The following EVC2 variants were observed in gnomAD, a reference collection of about 807,000 sequenced individuals.
EVC2 encodes the protein limbin.
In EVC2, 148 loss-of-function variants were observed where a neutral mutation model predicts 149.3. That is an observed-to-expected ratio of 0.99 (90% CI 0.87 to 1.14). The LOEUF (loss-of-function observed/expected upper bound fraction) is 1.14. Ranked by LOEUF, EVC2 falls within the 50% of genes most tolerant of loss-of-function variation. EVC2 has a pLI of 0.00. For synonymous variants in EVC2, 776 were observed against 649.9 expected (o/e 1.19, Z -2.95); for missense variants, 1,854 against 1,627.3 (o/e 1.14, Z -2.40).
In EVC2 at chr4:5,576,330, G is replaced by T. The variant is rs983228989; in HGVS notation, c.3182C>A (p.Pro1061His). 1 of 1,614,060 alleles carries T rather than the reference G, an allele frequency of 6.2e-7. No homozygotes were observed. The highest frequency in any genetic ancestry group is 1.3e-5 in the African/African-American group (1 of 74,908). ...VADGPGILNE[P>H]GEVDSERQVS... ...CTGCCTTTCAGAATCCACCTCCCCAGGTTCGTTCAGAATCCCGGGCCCATC... is the reference window on the plus strand; with the variant it reads ...CTGCCTTTCAGAATCCACCTCCCCATGTTCGTTCAGAATCCCGGGCCCATC... Residue 1061 changes from proline to histidine, a missense_variant, in exon 18 of 22, where the codon CCT becomes CAT. Transcript: ENST00000344408. The surrounding 1 kb of genome is among the most constrained non-coding windows in gnomAD (Gnocchi z 4.5).
intron 12 of EVC2, among the ~76,000 whole-genome samples, chr4:5,627,591 T>C (rs1433120193): frequency 6.6e-6 from 1 of 152,202 alleles, no homozygotes; most frequent in Admixed American, 6.5e-5. Flanking sequence ...CATGTCCCTA[T>C]TCATTTCAGA....
Position 5,562,703 on chromosome 4 carries a change from C to A in EVC2, c.*145G>T. On this transcript the variant is annotated 3_prime_UTR_variant, in exon 22 of 22. Coordinates refer to ENST00000344408, the MANE Select transcript of EVC2 (RefSeq NM_147127.5). This position sits in a 1 kb window ranked among gnomAD's most constrained non-coding sequence, Gnocchi z 4.3. Reference sequence around the variant, plus strand: ...GAGACAAGATTAAACCGAGTCCCTGCAAGTTGGCATGCGCTACGGGGTCTG... The same window carrying A: ...GAGACAAGATTAAACCGAGTCCCTGAAAGTTGGCATGCGCTACGGGGTCTG... 3 of 1,530,808 alleles carry A rather than the reference C, an allele frequency of 2.0e-6. No individual in the cohort carries two copies. The highest frequency in any genetic ancestry group is 2.6e-6 in the Non-Finnish European group (3 of 1,147,798). The allele number at this position is 1,530,808 out of a possible 1,614,324, so 94.8% of individuals were successfully genotyped here.
intron 17 of EVC2, among the ~76,000 whole-genome samples, chr4:5,583,003 C>A (rs1286797652): frequency 1.3e-5 from 2 of 152,138 alleles, no homozygotes; most frequent in African/African-American, 4.8e-5. Context: ...GCCTGTGGAA[C>A]CATGAGCCAA....
chr4:5,598,208 G>GA (rs1160254763), intron 16 of EVC2, among the ~76,000 whole-genome samples: 1 of 151,990 alleles, frequency 6.6e-6, no homozygotes, highest in African/African-American at 2.4e-5. Context: ...CACAGAATTG[G>GA]AAAAAACTAA....
At chr4:5,620,568 A>G (rs73198144) in intron 14 of EVC2, among the ~76,000 whole-genome samples, 3,597 of 152,286 alleles carry the variant, frequency 0.024, 108 homozygotes, top group African/African-American at 0.071. Context: ...ATTGTGCAAA[A>G]CCATTTTTGC....
chr4:5,689,700 T>A (rs940056996), intron 4 of EVC2, among the ~76,000 whole-genome samples: 5 of 152,156 alleles, frequency 3.3e-5, no homozygotes, highest in African/African-American at 1.2e-4. Context: ...CCTTGGTACT[T>A]AGTTATTTTG....
chr4:5,555,029 TGTG>T (rs1721808846), intron 21 of EVC2, among the ~76,000 whole-genome samples: 1 of 150,198 alleles, frequency 6.7e-6, no homozygotes, highest in East Asian at 2.0e-4. Flanking sequence ...TGTGTGTGTG[TGTG>T]TGTGTGTGTG....
intron 9 of EVC2, among the ~76,000 whole-genome samples, chr4:5,653,236 T>C (rs541141492): frequency 6.6e-6 from 1 of 152,352 alleles, no homozygotes; most frequent in African/African-American, 2.4e-5. Context: ...CAAATAAGGT[T>C]ACACTCACTG....
At chr4:5,540,954 C>G (rs1405716606), downstream of EVC2, among the ~76,000 whole-genome samples, 1 of 152,132 alleles carries the variant, frequency 6.6e-6, no homozygotes, top group Non-Finnish European at 1.5e-5. Context: ...TTCAGAGAAG[C>G]CCTTTAGGTT....
intron 20 of EVC2, among the ~76,000 whole-genome samples, chr4:5,568,085 A>G (rs1379843913): frequency 6.6e-6 from 1 of 152,144 alleles, no homozygotes; most frequent in African/African-American, 2.4e-5. Context: ...CAACACACAA[A>G]CACATGCTCC....
At chr4:5,610,410 A>G (rs41417849) in intron 16 of EVC2, among the ~76,000 whole-genome samples, 5,793 of 152,296 alleles carry the variant, frequency 0.038, 337 homozygotes, top group African/African-American at 0.13. Context: ...CAATCAGTGC[A>G]TAAGACAAAA....
intron 16 of EVC2, among the ~76,000 whole-genome samples, chr4:5,606,405 T>C (rs1714393364): frequency 6.6e-6 from 1 of 152,162 alleles, no homozygotes; most frequent in Non-Finnish European, 1.5e-5. Flanking sequence ...TTTGGCGGAA[T>C]CCACAGAAGG....
At chr4:5,609,044 C>T (rs1356466407) in intron 16 of EVC2, among the ~76,000 whole-genome samples, 1 of 152,088 alleles carries the variant, frequency 6.6e-6, no homozygotes, top group Non-Finnish European at 1.5e-5. Context: ...CAGACTTACA[C>T]CAGCAGCTCC....
chr4:5,623,668 G>A (rs73198156), intron 13 of EVC2, among the ~76,000 whole-genome samples: 4,469 of 152,192 alleles, frequency 0.029, 180 homozygotes, highest in African/African-American at 0.09. Flanking sequence ...AAAAAATACG[G>A]TAGAATCCCT....
At chr4:5,616,384 G>C (rs1715253522) in intron 15 of EVC2, among the ~76,000 whole-genome samples, 1 of 151,884 alleles carries the variant, frequency 6.6e-6, no homozygotes, top group African/African-American at 2.4e-5. Context: ...TCATGTCCGT[G>C]AATGGTCTGG....
chr4:5,598,359 A>G (rs939295276), intron 16 of EVC2, among the ~76,000 whole-genome samples: 3 of 150,772 alleles, frequency 2.0e-5, no homozygotes, highest in African/African-American at 7.3e-5. Flanking sequence ...TGGTACTGGT[A>G]CCAAAACAGA....
At chr4:5,552,042 A>G (rs1342868414) in intron 21 of EVC2, among the ~76,000 whole-genome samples, 4 of 152,220 alleles carry the variant, frequency 2.6e-5, no homozygotes, top group African/African-American at 9.6e-5. Context: ...GCGTGAAAAT[A>G]GGGTAATACA....
In EVC2 at chr4:5,625,174, C is replaced by A. The variant is rs1560174741; in HGVS notation, c.2046+575G>T. The stretch of plus-strand genomic sequence containing the variant: ...TAACCCCTTAGCACGGCACACCATG[C>A]CCCCATTGACTTGCTGCTGCATTCC... On this transcript the variant is annotated intron_variant, in intron 13 of 21. Coordinates refer to ENST00000344408, the MANE Select transcript of EVC2 (RefSeq NM_147127.5). The surrounding 1 kb of genome is among the most constrained non-coding windows in gnomAD (Gnocchi z 4.0). Among the ~76,000 whole-genome samples, 1 of 152,068 alleles carries A rather than the reference C, an allele frequency of 6.6e-6. No homozygotes were observed. Among genetic ancestry groups the A allele is most frequent in the Non-Finnish European group, 1.5e-5 (1 of 68,018 alleles).
Position 5,631,897 on chromosome 4 carries a change from C to A in EVC2, c.1606G>T (p.Glu536Ter), listed in dbSNP as rs1284395468. 5.0e-6 allele frequency: 8 copies of A among 1,614,204 alleles called. No homozygotes were observed. Among genetic ancestry groups the A allele is most frequent in the Non-Finnish European group, 6.8e-6 (8 of 1,180,038 alleles). The change falls in exon 11 of 22, where the codon GAA becomes TAA. Residue 536 changes from glutamate (E) to a stop codon, truncating the protein, a stop_gained. Coordinates refer to ENST00000344408, the MANE Select transcript of EVC2 (RefSeq NM_147127.5). LOFTEE classifies it high-confidence loss of function. ...HRQLAVFQRN[E>*]LHSIFFTQIK... ...TGGGTAAAAAAGATACTGTGCAGTTCATTTCTCTGGAAAACAGCCAGCTGT... is the reference window on the plus strand; with the variant it reads ...TGGGTAAAAAAGATACTGTGCAGTTAATTTCTCTGGAAAACAGCCAGCTGT...
Sources: allele counts gnomAD v4.1 joint callset (sites outside exome capture counted in the v4.1 genomes callset), GRCh38; gene constraint gnomAD v4.1.1; non-coding constraint Gnocchi (gnomAD v3.1); transcripts MANE v1.5; gene names NCBI Gene and HGNC (gene_info 2026-07-23, HGNC 2026-07-21).